The following CACNA1A variants were observed in gnomAD, a reference collection of about 807,000 sequenced individuals.
The protein encoded by CACNA1A is voltage-dependent P/Q-type calcium channel subunit alpha-1A.
Under a neutral mutation model 262.4 loss-of-function variants are expected in CACNA1A, and 57 were observed. The ratio of observed to expected loss-of-function variants is 0.22; its 90% CI spans 0.18 to 0.27. The LOEUF is 0.27. CACNA1A is among the 10% of genes least tolerant of loss of function. The probability of loss-of-function intolerance (pLI) is 1.00; values close to 1 mark genes in which losing one functional copy is unlikely to be tolerated. For synonymous variants in CACNA1A, 1,431 were observed against 1,419.3 expected, an observed-to-expected ratio of 1.01 and a Z score of -0.18; for missense variants, 2,526 against 3,562.8, an observed-to-expected ratio of 0.71 and a Z score of 7.41.
At position 13,259,605 on chromosome 19, in the gene CACNA1A, C is replaced by T. The variant is rs1419042501; in HGVS notation, c.4347G>A (p.Leu1449=). The change falls in exon 27 of 47, where the codon CTG becomes CTA. Residue 1449 remains leucine, a synonymous_variant. Transcript: ENST00000360228. Reference sequence around the variant, plus strand: ...CCGTGGACACGGTGAAGAGGGTCAGCAGAGCCCACAGCACATTGTCGTAAT... The same window carrying T: ...CCGTGGACACGGTGAAGAGGGTCAGTAGAGCCCACAGCACATTGTCGTAAT... ...EFHYDNVLWA[L]LTLFTVSTGE... The T allele has an allele frequency of 6.2e-7, 1 of 1,609,902 alleles. No homozygotes were observed. Among genetic ancestry groups the T allele is most frequent in the Admixed American group, 1.7e-5 (1 of 59,478 alleles).
chr19:13,398,666 C>T (rs1243842399), intron 3 of CACNA1A, among the ~76,000 whole-genome samples: 1 of 152,198 alleles, frequency 6.6e-6, no homozygotes, highest in Non-Finnish European at 1.5e-5. Context: ...TACTAATTGT[C>T]TACATTGGGC....
At chr19:13,281,006 G>A (rs943061100) in intron 22 of CACNA1A, among the ~76,000 whole-genome samples, 8 of 151,188 alleles carry the variant, frequency 5.3e-5, no homozygotes, top group African/African-American at 9.7e-5. Context: ...CATTTAATGC[G>A]AAGCATAGAA....
chr19:13,216,661 A>G (rs1246128239), intron 38 of CACNA1A, among the ~76,000 whole-genome samples: 1 of 5,352 alleles, frequency 1.9e-4, no homozygotes, highest in African/African-American at 1.5e-3. Context: ...CTATCTATCT[A>G]TCTATCTATC....
At chr19:13,454,572 A>G (rs2060973042) in intron 2 of CACNA1A, among the ~76,000 whole-genome samples, 2 of 152,030 alleles carry the variant, frequency 1.3e-5, no homozygotes, top group South Asian at 4.2e-4. Context: ...GGCTTTCACC[A>G]TGTTGGTCAG....
intron 38 of CACNA1A, among the ~76,000 whole-genome samples, chr19:13,222,663 G>A (rs995444558): frequency 6.6e-6 from 1 of 150,884 alleles, no homozygotes; most frequent in Non-Finnish European, 1.5e-5. Flanking sequence ...CCAAAGTGCT[G>A]CTATTACAGG....
intron 38 of CACNA1A, among the ~76,000 whole-genome samples, chr19:13,221,685 G>C (rs895317868): frequency 1.3e-5 from 2 of 152,130 alleles, no homozygotes; most frequent in Non-Finnish European, 1.5e-5. Context: ...TGACCATGAT[G>C]ACCAGTCACT....
At chr19:13,255,697 CTCCT>C (rs1284510468) in intron 28 of CACNA1A, among the ~76,000 whole-genome samples, 8 of 127,404 alleles carry the variant, frequency 6.3e-5, no homozygotes, top group East Asian at 2.6e-4. Flanking sequence ...TCCTTCCTCC[CTCCT>C]TCCTTCCCTC....
chr19:13,250,836 A>G (rs1043709138), intron 30 of CACNA1A, among the ~76,000 whole-genome samples: 8 of 152,230 alleles, frequency 5.3e-5, no homozygotes, highest in African/African-American at 1.9e-4. Flanking sequence ...AATAGCTATC[A>G]AAATATTTTT....
chr19:13,346,208 T>C (rs182450820), intron 6 of CACNA1A, among the ~76,000 whole-genome samples: 77 of 151,526 alleles, frequency 5.1e-4, no homozygotes, highest in Middle Eastern at 3.4e-3. Context: ...GGCTGATCCA[T>C]GAAGTATTTT....
intron 3 of CACNA1A, among the ~76,000 whole-genome samples, chr19:13,393,809 C>CCTCTCT (rs150142387): frequency 7.8e-5 from 8 of 102,632 alleles, no homozygotes; most frequent in African/African-American, 2.8e-4. Context: ...CTCCCTCCTT[C>CCTCTCT]CTCTCTCTCT....
chr19:13,438,823 T>C (rs1466644546), intron 3 of CACNA1A, among the ~76,000 whole-genome samples: 1 of 152,186 alleles, frequency 6.6e-6, no homozygotes, highest in Non-Finnish European at 1.5e-5. Context: ...TAAATATGAG[T>C]TACACTAAGA....
At chr19:13,500,128 C>A (rs1024800482) in intron 1 of CACNA1A, among the ~76,000 whole-genome samples, 2 of 152,210 alleles carry the variant, frequency 1.3e-5, no homozygotes, top group African/African-American at 4.8e-5. Flanking sequence ...TCTCAACCCC[C>A]TGCAACTAAA....
intron 10 of CACNA1A, among the ~76,000 whole-genome samples, chr19:13,329,678 G>T (rs1325306950): frequency 6.6e-6 from 1 of 151,606 alleles, no homozygotes; most frequent in African/African-American, 2.4e-5. Context: ...TCACCATGTT[G>T]GCCAGGCTGG....
intron 11 of CACNA1A, among the ~76,000 whole-genome samples, chr19:13,314,161 G>A (rs1212659801): frequency 3.3e-5 from 5 of 152,204 alleles, no homozygotes; most frequent in Non-Finnish European, 7.3e-5. Context: ...AAGATGAGGA[G>A]TTAGGAAGGG....
chr19:13,316,519 G>A (rs1052397856), intron 11 of CACNA1A: 2 of 143,734 alleles, frequency 1.4e-5, no homozygotes, highest in African/African-American at 5.3e-5. Flanking sequence ...GGCAGGGGAG[G>A]AAGTATTAGG....
intron 8 of CACNA1A, 110 bp downstream of exon 8, chr19:13,334,268 C>G: frequency 1.5e-6 from 1 of 665,610 alleles, no homozygotes; most frequent in Non-Finnish European, 2.7e-6. Flanking sequence ...GGTTCTCTTT[C>G]TCCTCCCATC....
rs918308777 is a variant in CACNA1A, at chr19:13,452,992, A to T, written c.423T>A (p.Ile141=). The change falls in exon 3 of 47, where the codon ATT becomes ATA. Residue 141 remains isoleucine, a synonymous_variant. Transcript: ENST00000360228. ...TTCCAGCCTCGAAACAAAAAATTCC[A>T]ATGAAGTATGGTTCTGTGTCATCCT... ...ERLDDTEPYF[I]GIFCFEAGIK... 1 of 1,613,966 alleles carries T rather than the reference A, an allele frequency of 6.2e-7. No individual in the cohort carries two copies. Among genetic ancestry groups the T allele is most frequent in the African/African-American group, 1.3e-5 (1 of 75,026 alleles).
intron 46 of CACNA1A, among the ~76,000 whole-genome samples, 166 bp downstream of exon 46, chr19:13,208,590 C>T (rs958085455): frequency 3.9e-5 from 6 of 151,952 alleles, no homozygotes; most frequent in African/African-American, 1.5e-4. Context: ...GGATCCGTGT[C>T]CGCTCCGGCC....
chr19:13,217,234 A>AAGAG (rs35377972), intron 38 of CACNA1A, among the ~76,000 whole-genome samples: 2 of 151,426 alleles, frequency 1.3e-5, no homozygotes, highest in African/African-American at 4.9e-5. Flanking sequence ...ATGGACAGGG[A>AAGAG]AGAGAGAGAG....
Sources: allele counts gnomAD v4.1 joint callset (sites outside exome capture counted in the v4.1 genomes callset), GRCh38; gene constraint gnomAD v4.1.1; transcripts MANE v1.5; gene names NCBI Gene and HGNC (gene_info 2026-07-23, HGNC 2026-07-21).